ZNF222: variants seen among roughly 807,000 people sequenced by gnomAD.
The protein encoded by ZNF222 is zinc finger protein 222.
ZNF222 carries 8 observed loss-of-function variants against 11.6 expected under a neutral mutation model. The observed-to-expected ratio is 0.69, with a 90% confidence interval of 0.41 to 1.25. The LOEUF is 1.25. ZNF222 is among the 50% of genes most tolerant of loss of function. ZNF222 has a pLI of 0.01. For synonymous variants in ZNF222, 171 were observed against 195.6 expected (o/e 0.87, Z 1.05); for missense variants, 483 against 576.1 (o/e 0.84, Z 1.65).
chr19:44,030,598 C>T (rs1976482821), intron 3 of ZNF222, among the ~76,000 whole-genome samples: 1 of 152,180 alleles, frequency 6.6e-6, no homozygotes. Flanking sequence ...AAGACAGAGT[C>T]CAGGGAAGTA....
Position 44,025,824 on chromosome 19 carries a change from A to G in ZNF222, c.42+346A>G, listed in dbSNP as rs1947794619. Among the ~76,000 whole-genome samples the G allele has an allele frequency of 6.6e-6, 1 of 152,110 alleles. No individual in the cohort carries two copies. The highest frequency in any genetic ancestry group is 6.5e-5 in the Admixed American group (1 of 15,270). On this transcript the variant is annotated intron_variant, in intron 1 of 3. Transcript: ENST00000391960. The surrounding 1 kb of genome is among the most constrained non-coding windows in gnomAD (Gnocchi z 4.6). ...ACTCGGTGTCTGGTGGTCTCTTGTT[A>G]ATTTCCCACGAAGCCTGTCAGGTCC... is the stretch of plus-strand genomic sequence containing the variant.
At chr19:44,026,696 A>C (rs1976379621) in intron 1 of ZNF222, among the ~76,000 whole-genome samples, 1 of 151,960 alleles carries the variant, frequency 6.6e-6, no homozygotes, top group African/African-American at 2.4e-5. Flanking sequence ...CCCGCGACTC[A>C]AACAGAGCAT....
chr19:44,026,173 G>A, intron 1 of ZNF222: 3 of 1,344,966 alleles, frequency 2.2e-6, no homozygotes, highest in Non-Finnish European at 3.2e-6. Context: ...CATGGGTGTC[G>A]ATAATGATTA....
In ZNF222 at chr19:44,032,054, G is replaced by A. The variant is rs1599860766; in HGVS notation, c.500G>A (p.Ser167Asn). 1.2e-6 allele frequency: 2 copies of A among 1,614,216 alleles called. No individual in the cohort carries two copies. Among genetic ancestry groups the A allele is most frequent in the Non-Finnish European group, 1.7e-6 (2 of 1,180,040 alleles). Residue 167 changes from serine (S) to asparagine (N), a missense_variant, in exon 4 of 4, where the codon AGT becomes AAT. Physicochemically the swap from Ser to Asn is conservative, Grantham distance 46 (BLOSUM62 1). Transcript: ENST00000391960. ...FQGENCKQFFSDVSFFDLPQQ... is the reference protein window; with the variant it reads ...FQGENCKQFFNDVSFFDLPQQ... ...GGTGAAAATTGTAAACAGTTCTTCA[G>A]TGATGTTTCCTTCTTTGATCTTCCT...
In ZNF222 at chr19:44,027,381, A is replaced by T; in HGVS notation, c.170-17A>T. On this transcript the variant is annotated splice_polypyrimidine_tract_variant and intron_variant, in intron 2 of 3. Transcript: ENST00000391960. ...TGAACATGTTGGGATTAAGCATGTG[A>T]CTTTGCCTGTTCACAGGGCATCAAC... 3.1e-6 allele frequency: 5 copies of T among 1,608,748 alleles called. No homozygotes were observed. Among genetic ancestry groups the T allele is most frequent in the Non-Finnish European group, 4.3e-6 (5 of 1,175,136 alleles).
At position 44,032,762 on chromosome 19, in the gene ZNF222, A is replaced by C. The variant is rs1976535080; in HGVS notation, c.1208A>C (p.His403Pro). The C allele has an allele frequency of 5.0e-6, 8 of 1,614,090 alleles. No homozygotes were observed. The highest frequency in any genetic ancestry group is 6.8e-6 in the Non-Finnish European group (8 of 1,180,042). Reference protein sequence around the residue: ...KSGLDFHHRTHTGERSYNCDN... With the variant: ...KSGLDFHHRTPTGERSYNCDN... ...GGTCTTGACTTCCACCATAGAACCC[A>C]CACGGGAGAGAGATCTTATAACTGT... The change falls in exon 4 of 4, where the codon CAC becomes CCC. Residue 403 changes from histidine (H) to proline (P), a missense_variant. By Grantham distance (77) the His-to-Pro change is moderately conservative. Coordinates refer to ENST00000391960, the MANE Select transcript of ZNF222 (RefSeq NM_001129996.2).
chr19:44,026,556 A>ATATTTTTT (rs1491128087), intron 1 of ZNF222, among the ~76,000 whole-genome samples: 11 of 101,846 alleles, frequency 1.1e-4, no homozygotes, highest in African/African-American at 3.8e-4. Context: ...ATATATATAT[A>ATATTTTTT]TTTTTTTTTT....
chr19:44,031,643 C>T (rs545505494), intron 3 of ZNF222, among the ~76,000 whole-genome samples, 174 bp from the exon 4 acceptor site: 79 of 149,570 alleles, frequency 5.3e-4, no homozygotes, highest in African/African-American at 1.9e-3. Context: ...CCACCACACC[C>T]GGCTAATTTT....
chr19:44,031,932 C>T lies in ZNF222; in HGVS notation c.378C>T (p.Thr126=), dbSNP rs760500625. ...GTGACTTAACCAGGTCTCAAGATACCACCATAAGTAACTCTCAGTTATTTG... is the reference window on the plus strand; with the variant it reads ...GTGACTTAACCAGGTCTCAAGATACTACCATAAGTAACTCTCAGTTATTTG... ...IASDLTRSQD[T]TISNSQLFEQ... is the part of the protein sequence containing the mutation. Residue 126 remains threonine (T), a synonymous_variant, in exon 4 of 4, where the codon ACC becomes ACT. Transcript: ENST00000391960. 35 of 1,614,054 alleles carry T rather than the reference C, an allele frequency of 2.2e-5. No homozygotes were observed. The highest frequency in any genetic ancestry group is 5.0e-5 in the Admixed American group (3 of 60,002).
At chr19:44,027,230 G>T (rs1474782670) in intron 2 of ZNF222, 81 bp downstream of exon 2, 2 of 1,595,280 alleles carry the variant, frequency 1.3e-6, no homozygotes, top group African/African-American at 1.3e-5. Flanking sequence ...GTTTGAGTGT[G>T]CAGTGAGAAC....
In ZNF222 at chr19:44,032,830, A is replaced by G; in HGVS notation, c.1276A>G (p.Asn426Asp). 2 of 1,613,296 alleles carry G rather than the reference A, an allele frequency of 1.2e-6. No individual in the cohort carries two copies. The highest frequency in any genetic ancestry group is 1.7e-6 in the Non-Finnish European group (2 of 1,179,820). The change falls in exon 4 of 4, where the codon AAT becomes GAT. Residue 426 changes from asparagine to aspartate, a missense_variant. Coordinates refer to ENST00000391960, the MANE Select transcript of ZNF222 (RefSeq NM_001129996.2). ...KSFRHASSIL[N>D]HKKLHCQRKP... is the part of the protein sequence containing the mutation. The stretch of plus-strand genomic sequence containing the variant: ...CTTTAGACATGCTTCTAGTATTTTG[A>G]ATCATAAGAAACTCCACTGCCAAAG...
At position 44,031,840 on chromosome 19, in the gene ZNF222, G is replaced by C. The variant is rs775328345; in HGVS notation, c.286G>C (p.Glu96Gln). ...NLGGKIQTEM[E>Q]TVPEAGTHEE... ...AGGAGGCAAGATCCAAACTGAGATG[G>C]AGACTGTTCCAGAAGCAGGAACACA... The change falls in exon 4 of 4, where the codon GAG becomes CAG. Residue 96 changes from glutamate to glutamine, a missense_variant. By Grantham distance (29) the Glu-to-Gln change is conservative. Transcript: ENST00000391960. 1 of 1,614,002 alleles carries C rather than the reference G, an allele frequency of 6.2e-7. No individual in the cohort carries two copies. The highest frequency in any genetic ancestry group is 8.5e-7 in the Non-Finnish European group (1 of 1,179,936).
chr19:44,032,663 T>C lies in ZNF222; in HGVS notation c.1109T>C (p.Val370Ala), dbSNP rs1599861194. 2 of 1,613,294 alleles carry C rather than the reference T, an allele frequency of 1.2e-6. No individual in the cohort carries two copies. The highest frequency in any genetic ancestry group is 4.5e-5 in the East Asian group (2 of 44,748). Residue 370 changes from valine to alanine, a missense_variant, in exon 4 of 4, where the codon GTC (valine) becomes GCC (alanine). Val to Ala is a moderately conservative substitution (Grantham distance 64). Coordinates refer to ENST00000391960, the MANE Select transcript of ZNF222 (RefSeq NM_001129996.2). ...KSFKWSSYLL[V>A]HQRVHTGEKP... ...TTCAAATGGTCCTCATATCTTTTGG[T>C]CCATCAACGAGTCCACACTGGAGAA...
chr19:44,028,645 G>A (rs1976430860), intron 3 of ZNF222, among the ~76,000 whole-genome samples: 1 of 152,156 alleles, frequency 6.6e-6, no homozygotes, highest in Admixed American at 6.5e-5. Context: ...ATCTCTTGAA[G>A]GCATTTATCT....
At position 44,032,429 on chromosome 19, in the gene ZNF222, C is replaced by T. The variant is rs745745411; in HGVS notation, c.875C>T (p.Thr292Ile). Residue 292 changes from threonine to isoleucine, a missense_variant, in exon 4 of 4, where the codon ACT becomes ATT. Physicochemically the swap from Thr to Ile is moderately conservative, Grantham distance 89 (BLOSUM62 -1). Transcript: ENST00000391960. ...CTTCAGAAACATCACAGAATTCATACTGGGGAGAAGCCATTCAAATGTGAA... is the reference window on the plus strand; with the variant it reads ...CTTCAGAAACATCACAGAATTCATATTGGGGAGAAGCCATTCAAATGTGAA... ...FQLQKHHRIH[T>I]GEKPFKCEIC... The T allele has an allele frequency of 1.3e-5, 21 of 1,614,174 alleles. No individual in the cohort carries two copies. The highest frequency in any genetic ancestry group is 1.6e-5 in the Non-Finnish European group (19 of 1,180,036).
chr19:44,031,364 G>A (rs963295430), intron 3 of ZNF222, among the ~76,000 whole-genome samples: 1 of 152,172 alleles, frequency 6.6e-6, no homozygotes, highest in Non-Finnish European at 1.5e-5. Flanking sequence ...AAAAATGAAC[G>A]TTCATTAAAG....
chr19:44,026,253 G>A (rs1976358098), intron 1 of ZNF222, among the ~76,000 whole-genome samples: 1 of 148,830 alleles, frequency 6.7e-6, no homozygotes, highest in Non-Finnish European at 1.5e-5. Context: ...GTGGCACTGT[G>A]GAGAGGTGCT....
At chr19:44,028,648 A>T (rs1045710989) in intron 3 of ZNF222, among the ~76,000 whole-genome samples, 3 of 152,138 alleles carry the variant, frequency 2.0e-5, no homozygotes, top group African/African-American at 7.2e-5. Context: ...TCTTGAAGGC[A>T]TTTATCTGTT....
intron 3 of ZNF222, 58 bp from the exon 4 acceptor site, chr19:44,031,759 G>T: frequency 1.9e-6 from 3 of 1,569,458 alleles, no homozygotes; most frequent in Non-Finnish European, 2.6e-6. Context: ...GGGATTACAG[G>T]TGTGAGCCAC....
Sources: gnomAD v4.1 joint callset for allele counts (sites outside exome capture counted in the v4.1 genomes callset) on GRCh38, gnomAD v4.1.1 for gene constraint, Gnocchi (gnomAD v3.1) non-coding constraint, MANE v1.5 for transcripts, NCBI Gene and HGNC (gene_info 2026-07-23, HGNC 2026-07-21) for gene names.